Variants in OAS1 observed in about 807,000 individuals in gnomAD.
The protein encoded by OAS1 is 2'-5'-oligoadenylate synthase 1.
Under a neutral mutation model 38.5 loss-of-function variants are expected in OAS1, and 24 were observed. The ratio of observed to expected loss-of-function variants is 0.62; its 90% CI spans 0.45 to 0.88. OAS1 has a LOEUF of 0.88. Among genes scored for constraint, OAS1 ranks in the 40% least tolerant of loss-of-function variants. The probability of loss-of-function intolerance (pLI) is 0.00; values close to 1 mark genes in which losing one functional copy is unlikely to be tolerated. For synonymous variants in OAS1, 169 were observed against 193.9 expected (o/e 0.87, Z 1.07); for missense variants, 482 against 493.9 (o/e 0.98, Z 0.23).
At chr12:112,911,336 G>A in intron 3 of OAS1, 101 bp downstream of exon 3, 3 of 903,582 alleles carry the variant, frequency 3.3e-6, no homozygotes, top group Non-Finnish European at 4.8e-6. Context: ...AGAGGAGGGG[G>A]AGTGGTGGAG....
chr12:112,931,180 A>G (rs1019369099), intron 6 of OAS1, among the ~76,000 whole-genome samples: 15 of 152,242 alleles, frequency 9.9e-5, no homozygotes, highest in Admixed American at 3.9e-4. Context: ...AGGCATAACC[A>G]TAACCATTGC....
intron 4 of OAS1, 49 bp downstream of exon 4, chr12:112,916,787 G>T: frequency 8.9e-6 from 12 of 1,344,752 alleles, no homozygotes; most frequent in Non-Finnish European, 1.3e-5. Context: ...TGAACACCTG[G>T]ATACAGGTAC....
chr12:112,915,847 T>G (rs1449493643), intron 3 of OAS1, among the ~76,000 whole-genome samples: 1 of 152,206 alleles, frequency 6.6e-6, no homozygotes, highest in East Asian at 1.9e-4. Flanking sequence ...TTTTAAAGTC[T>G]GTGTTCGGTC....
intron 3 of OAS1, among the ~76,000 whole-genome samples, chr12:112,915,512 G>A (rs577413258): frequency 6.6e-6 from 1 of 152,222 alleles, no homozygotes; most frequent in Admixed American, 6.5e-5. Flanking sequence ...TGTTGTTTTG[G>A]TGACTATGGC....
chr12:112,931,862 C>A (rs1011925712), intron 6 of OAS1: 2 of 698,668 alleles, frequency 2.9e-6, no homozygotes, highest in Non-Finnish European at 5.2e-6. Flanking sequence ...ACACACACTC[C>A]TTTCTTCATT....
chr12:112,914,134 T>C (rs778660972), intron 3 of OAS1, among the ~76,000 whole-genome samples: 3 of 152,216 alleles, frequency 2.0e-5, no homozygotes, highest in Admixed American at 6.5e-5. Context: ...ATCATTCTTA[T>C]GCCTTTGCTT....
At chr12:112,908,915 T>C in intron 2 of OAS1, 91 bp downstream of exon 2, 1 of 1,370,740 alleles carries the variant, frequency 7.3e-7, no homozygotes, top group Non-Finnish European at 1.0e-6. Context: ...ACAGGGCATC[T>C]CTCTAAAGCA....
downstream of OAS1, among the ~76,000 whole-genome samples, chr12:112,923,660 AT>A: frequency 6.6e-6 from 1 of 152,272 alleles, no homozygotes; most frequent in Middle Eastern, 3.4e-3. Context: ...CATTCCATAG[AT>A]TGTCTTTTCA....
Position 112,919,669 on chromosome 12 carries a change from C to A in OAS1, c.*116C>A. On this transcript the variant is annotated 3_prime_UTR_variant, in exon 6 of 6. Transcript: ENST00000202917. ...GCTCCTCAGTGAGCTGGTGTATAAT[C>A]CAGGACAGAACCCAGGTCTCCTGAC... is the stretch of plus-strand genomic sequence containing the variant. 2 of 1,576,694 alleles carry A rather than the reference C, an allele frequency of 1.3e-6. No homozygotes were observed. The highest frequency in any genetic ancestry group is 1.7e-6 in the Non-Finnish European group (2 of 1,160,210).
At chr12:112,926,494 CAT>C (rs2043558885) in intron 6 of OAS1, among the ~76,000 whole-genome samples, 1 of 152,106 alleles carries the variant, frequency 6.6e-6, no homozygotes, top group Non-Finnish European at 1.5e-5. Flanking sequence ...GCAGACATCA[CAT>C]GTCGGCAGGT....
chr12:112,923,615 C>A (rs2043543208), downstream of OAS1, among the ~76,000 whole-genome samples: 6 of 152,240 alleles, frequency 3.9e-5, no homozygotes, highest in South Asian at 1.0e-3. Context: ...TGGAGATTAA[C>A]CCTTATTAGA....
intron 2 of OAS1, among the ~76,000 whole-genome samples, chr12:112,910,632 T>C (rs2043363093): frequency 1.3e-5 from 2 of 151,634 alleles, no homozygotes; most frequent in South Asian, 4.2e-4. Context: ...GTCAGAGAAG[T>C]AGAAAGTGGG....
chr12:112,918,522 G>A (rs1427789061), intron 5 of OAS1: 1 of 376,646 alleles, frequency 2.7e-6, no homozygotes, highest in African/African-American at 2.1e-5. Flanking sequence ...GGGATTGCTG[G>A]GTTGAATGGA....
intron 4 of OAS1, chr12:112,917,061 T>C (rs1349199732): frequency 2.8e-6 from 1 of 356,050 alleles, no homozygotes; most frequent in East Asian, 5.6e-5. Context: ...ACAATGATAG[T>C]AATTGCTCCC....
downstream of OAS1, chr12:112,932,357 C>G (rs112568384): frequency 6.4e-6 from 1 of 155,320 alleles, no homozygotes; most frequent in African/African-American, 2.4e-5. Flanking sequence ...TTTGGGAGGC[C>G]GAGGCAGGCA....
In OAS1 at chr12:112,916,630, T is replaced by C. The variant is rs1565963075; in HGVS notation, c.776T>C (p.Leu259Ser). ...FNTAQGFRTV[L>S]ELVINYQQLC... ...ACAGCCCAGGGATTTCGGACGGTCT[T>C]GGAATTAGTCATAAACTACCAGCAA... Residue 259 changes from leucine to serine, a missense_variant, in exon 4 of 6, where the codon TTG (leucine) becomes TCG (serine). Coordinates refer to ENST00000202917, the MANE Select transcript of OAS1 (RefSeq NM_016816.4). 2 of 1,614,188 alleles carry C rather than the reference T, an allele frequency of 1.2e-6. No homozygotes were observed. Among genetic ancestry groups the C allele is most frequent in the Non-Finnish European group, 1.7e-6 (2 of 1,180,028 alleles).
intron 2 of OAS1, among the ~76,000 whole-genome samples, chr12:112,909,916 CTTAA>C (rs1175124751): frequency 3.3e-5 from 5 of 152,008 alleles, no homozygotes; most frequent in African/African-American, 1.2e-4. Context: ...GTAATTAGGA[CTTAA>C]TTAAAGGAAC....
chr12:112,928,010 TTTG>T (rs2043571052), intron 6 of OAS1, among the ~76,000 whole-genome samples: 2 of 152,126 alleles, frequency 1.3e-5, no homozygotes, highest in Non-Finnish European at 2.9e-5. Flanking sequence ...CTGGTTTGGG[TTTG>T]TGCTGACCAC....
chr12:112,912,866 A>G (rs916269627), intron 3 of OAS1, among the ~76,000 whole-genome samples: 1 of 152,202 alleles, frequency 6.6e-6, no homozygotes, highest in Admixed American at 6.5e-5. Context: ...TCCAACTTAT[A>G]TGCTACATTT....
Sources: allele counts gnomAD v4.1 joint callset (sites outside exome capture counted in the v4.1 genomes callset), GRCh38; gene constraint gnomAD v4.1.1; transcripts MANE v1.5; gene names NCBI Gene and HGNC (gene_info 2026-07-23, HGNC 2026-07-21).